Variants in EIF4G1 observed in about 807,000 individuals in gnomAD.
EIF4G1 encodes eukaryotic translation initiation factor 4 gamma 1.
In EIF4G1, 4 loss-of-function variants were observed where a neutral mutation model predicts 187.8. That is an observed-to-expected ratio of 0.02 (90% confidence interval 0.01 to 0.05). The LOEUF is 0.05. Among genes scored for constraint, EIF4G1 ranks in the 10% least tolerant of loss-of-function variants. The pLI is 1.00. For missense variants in EIF4G1, 1,647 were observed against 2,081.1 expected, an observed-to-expected ratio of 0.79 and a Z score of 4.06; for synonymous variants, 844 against 781.4, an observed-to-expected ratio of 1.08 and a Z score of -1.34.
At chr3:184,327,533 T>A in intron 24 of EIF4G1, 53 bp from the exon 25 acceptor site, 1 of 1,613,016 alleles carries the variant, frequency 6.2e-7, no homozygotes, top group Non-Finnish European at 8.5e-7. Context: ...GCTCCAAATC[T>A]TGTTTGCTGG....
chr3:184,321,080 T>G (rs1723822715), intron 9 of EIF4G1, 87 bp downstream of exon 9: 3 of 1,535,686 alleles, frequency 2.0e-6, no homozygotes. Flanking sequence ...TTGAACTGGG[T>G]ACCAGAGAAT....
Position 184,317,347 on chromosome 3 carries a change from C to T in EIF4G1, c.174C>T (p.Pro58=), listed in dbSNP as rs1459724392. ...ACTTCTACCCTAGCCGGGCCCAGCC[C>T]CCGAGCAGTGCAGCCTCCCGAGTGC... The part of the protein sequence containing the change: ...RQHFYPSRAQ[P]PSSAASRVQS... The change falls in exon 5 of 33, where the codon CCC becomes CCT. Residue 58 remains proline, a synonymous_variant. Coordinates refer to ENST00000346169, the MANE Select transcript of EIF4G1 (RefSeq NM_198241.3). 3 of 1,614,098 alleles carry T rather than the reference C, an allele frequency of 1.9e-6. No homozygotes were observed. The highest frequency in any genetic ancestry group is 2.5e-6 in the Non-Finnish European group (3 of 1,180,028).
At chr3:184,319,554 GAGGGC>G (rs1392135083) in intron 6 of EIF4G1, 130 bp from the exon 7 acceptor site, 5 of 696,994 alleles carry the variant, frequency 7.2e-6, no homozygotes, top group Admixed American at 2.1e-5. Flanking sequence ...CCTGGGGGAG[GAGGGC>G]AGGGCAGGGC....
intron 32 of EIF4G1, among the ~76,000 whole-genome samples, chr3:184,332,359 CCCAGT>C (rs2108523330): frequency 6.6e-6 from 1 of 152,344 alleles, no homozygotes; most frequent in East Asian, 1.9e-4. Context: ...ATAGGATCTT[CCCAGT>C]ACCGTGTGCC....
intron 6 of EIF4G1, chr3:184,319,349 A>G (rs1055971936): frequency 1.1e-5 from 4 of 373,036 alleles, no homozygotes. Flanking sequence ...ACACGAGAGT[A>G]ACTTGTACGG....
In EIF4G1 at chr3:184,325,859, C is replaced by T; in HGVS notation, c.3130C>T (p.Leu1044Phe). 6.2e-7 allele frequency: 1 copy of T among 1,614,110 alleles called. No homozygotes were observed. The highest frequency in any genetic ancestry group is 8.5e-7 in the Non-Finnish European group (1 of 1,180,020). Residue 1044 changes from leucine (L) to phenylalanine (F), a missense_variant, in exon 21 of 33, where the codon CTT (leucine) becomes TTT (phenylalanine). Coordinates refer to ENST00000346169, the MANE Select transcript of EIF4G1 (RefSeq NM_198241.3). The surrounding 1 kb of genome is among the most constrained non-coding windows in gnomAD (Gnocchi z 5.2). ...CCCTCTTTTTGTGTCAGGCCGTGGACTTCCCCTTGTGGATGATGGTGGCTG... is the reference window on the plus strand; with the variant it reads ...CCCTCTTTTTGTGTCAGGCCGTGGATTTCCCCTTGTGGATGATGGTGGCTG... ...GPPGPPISRG[L>F]PLVDDGGWNT... is the part of the protein sequence containing the mutation.
At chr3:184,331,836 GC>G in intron 31 of EIF4G1, 27 bp downstream of exon 31, 1 of 1,614,112 alleles carries the variant, frequency 6.2e-7, no homozygotes, top group Non-Finnish European at 8.5e-7. Context: ...AGATGGAGGG[GC>G]AAGGGTGGGC....
chr3:184,319,841 G>T, intron 7 of EIF4G1, 40 bp downstream of exon 7: 1 of 1,385,392 alleles, frequency 7.2e-7, no homozygotes, highest in Non-Finnish European at 1.0e-6. Context: ...CTGGGAAGGG[G>T]AGAATCAAGG....
intron 24 of EIF4G1, 63 bp from the exon 25 acceptor site, chr3:184,327,523 G>C (rs569515156): frequency 6.2e-7 from 1 of 1,612,456 alleles, no homozygotes; most frequent in South Asian, 1.1e-5. Flanking sequence ...CTTTTTGAGA[G>C]CTCCAAATCT....
At chr3:184,316,039 C>G in intron 3 of EIF4G1, 93 bp from the exon 4 acceptor site, 2 of 1,570,786 alleles carry the variant, frequency 1.3e-6, no homozygotes, top group Non-Finnish European at 1.7e-6. Context: ...TGTTAAGGCT[C>G]TTGCCGCAGA....
chr3:184,319,678 C>T lies in EIF4G1; in HGVS notation c.425-11C>T, dbSNP rs1205766980. 4.5e-6 allele frequency: 7 copies of T among 1,539,656 alleles called. No homozygotes were observed. Among genetic ancestry groups the T allele is most frequent in the South Asian group, 1.2e-5 (1 of 85,396 alleles). ...GCTACCACCATTCTTCTCCGTCCCCCCTCCCCCAAGCTGGCGCCTACTATC... is the reference window on the plus strand; with the variant it reads ...GCTACCACCATTCTTCTCCGTCCCCTCTCCCCCAAGCTGGCGCCTACTATC... On this transcript the variant is annotated splice_polypyrimidine_tract_variant and intron_variant, in intron 6 of 32. Coordinates refer to ENST00000346169, the MANE Select transcript of EIF4G1 (RefSeq NM_198241.3).
rs1027113146 is a variant in EIF4G1 at position 184,320,003 on chromosome 3, G to A, written c.537+202G>A. Reference sequence around the variant, plus strand: ...AAGCAGGTCATGGGAAGACTGAAGTGCCTAGCGAGGAAGTTCCTGCGAGAC... The same window carrying A: ...AAGCAGGTCATGGGAAGACTGAAGTACCTAGCGAGGAAGTTCCTGCGAGAC... On this transcript the variant is annotated intron_variant, in intron 7 of 32. Transcript: ENST00000346169. 1.0e-3 allele frequency among the ~76,000 whole-genome samples: 158 copies of A among 152,336 alleles called. 2 individuals are homozygous for A. The highest frequency in any genetic ancestry group is 3.6e-3 in the African/African-American group (151 of 41,584).
At chr3:184,329,012 A>G (rs1391117233) in intron 28 of EIF4G1, 22 bp downstream of exon 28, 1 of 1,613,796 alleles carries the variant, frequency 6.2e-7, no homozygotes, top group East Asian at 2.2e-5. Flanking sequence ...CCAGGAGTCC[A>G]GAGATGCCTC....
intron 27 of EIF4G1, 38 bp from the exon 28 acceptor site, chr3:184,328,871 G>A (rs768600486): frequency 2.5e-6 from 4 of 1,613,954 alleles, no homozygotes; most frequent in Admixed American, 1.7e-5. Flanking sequence ...TGAGAGAACT[G>A]TGGAGGCTGT....
At chr3:184,316,437 C>T (rs1722794187) in intron 4 of EIF4G1, among the ~76,000 whole-genome samples, 3 of 152,170 alleles carry the variant, frequency 2.0e-5, no homozygotes, top group Non-Finnish European at 2.9e-5. Flanking sequence ...ATCCTAGTGC[C>T]TCTGAGAATT....
intron 17 of EIF4G1, 42 bp from the exon 18 acceptor site, chr3:184,324,836 C>T: frequency 1.2e-6 from 2 of 1,602,936 alleles, no homozygotes; most frequent in Non-Finnish European, 1.7e-6. Context: ...AGCCGAGTGG[C>T]TGGTTATCTT....
At chr3:184,329,046 G>T in intron 28 of EIF4G1, 56 bp downstream of exon 28, 2 of 1,598,904 alleles carry the variant, frequency 1.3e-6, no homozygotes, top group Admixed American at 3.3e-5. Flanking sequence ...TTGGCTGTTT[G>T]CTGTGGCCCT....
In EIF4G1 at chr3:184,326,643, G is replaced by A; in HGVS notation, c.3325+14G>A. 6.2e-7 allele frequency: 1 copy of A among 1,607,460 alleles called. No individual in the cohort carries two copies. The highest frequency in any genetic ancestry group is 1.1e-5 in the South Asian group (1 of 91,072). On this transcript the variant is annotated intron_variant, in intron 22 of 32. Coordinates refer to ENST00000346169, the MANE Select transcript of EIF4G1 (RefSeq NM_198241.3). ...CCTCAGACGCAGGTATGGAGGCAGTGTCAGGAGCTGGGTGGTTACCCGTCA... is the reference window on the plus strand; with the variant it reads ...CCTCAGACGCAGGTATGGAGGCAGTATCAGGAGCTGGGTGGTTACCCGTCA...
chr3:184,318,256 A>G (rs1403166821), intron 6 of EIF4G1, among the ~76,000 whole-genome samples: 1 of 152,248 alleles, frequency 6.6e-6, no homozygotes, highest in Admixed American at 6.5e-5. Flanking sequence ...TCTCTCATAC[A>G]TGTATGTTTT....
Sources: gnomAD v4.1 joint callset for allele counts (sites outside exome capture counted in the v4.1 genomes callset) on GRCh38, gnomAD v4.1.1 for gene constraint, Gnocchi (gnomAD v3.1) non-coding constraint, MANE v1.5 for transcripts, NCBI Gene and HGNC (gene_info 2026-07-23, HGNC 2026-07-21) for gene names.